Variants in POLR3B observed in about 807,000 individuals in gnomAD.
The protein encoded by POLR3B is DNA-directed RNA polymerase III subunit RPC2.
Under a neutral mutation model 147.4 loss-of-function variants are expected in POLR3B, and 96 were observed. That is an observed-to-expected ratio of 0.65 (90% CI 0.55 to 0.77). The LOEUF (loss-of-function observed/expected upper bound fraction) is 0.77. Among genes scored for constraint, POLR3B ranks in the 30% least tolerant of loss-of-function variants. The probability of loss-of-function intolerance (pLI) is 0.00; values close to 1 mark genes in which losing one functional copy is unlikely to be tolerated. For synonymous variants in POLR3B, 461 were observed against 485.9 expected, an observed-to-expected ratio of 0.95 and a Z score of 0.67; for missense variants, 1,036 against 1,413.5, an observed-to-expected ratio of 0.73 and a Z score of 4.28.
chr12:106,476,742 A>G (rs982741538), intron 23 of POLR3B, among the ~76,000 whole-genome samples: 5 of 151,100 alleles, frequency 3.3e-5, no homozygotes, highest in African/African-American at 1.2e-4. Context: ...ACTTCTCTGT[A>G]TTGGTTATTG....
chr12:106,360,207 G>A (rs905567354), intron 1 of POLR3B, among the ~76,000 whole-genome samples: 3 of 152,194 alleles, frequency 2.0e-5, no homozygotes, highest in East Asian at 1.9e-4. Flanking sequence ...AGAGCTGTCC[G>A]TTTAAACACA....
chr12:106,386,399 G>A (rs886648500), intron 9 of POLR3B, among the ~76,000 whole-genome samples: 7 of 151,454 alleles, frequency 4.6e-5, no homozygotes, highest in Non-Finnish European at 8.8e-5. Context: ...CTCCAGCAGA[G>A]GGCAGTATGT....
chr12:106,365,139 AAAG>A (rs2036516972), intron 2 of POLR3B, among the ~76,000 whole-genome samples: 1 of 152,096 alleles, frequency 6.6e-6, no homozygotes, highest in South Asian at 2.1e-4. Context: ...CGTCTCAAAA[AAAG>A]AAAAATGAGT....
chr12:106,496,965 A>G, intron 25 of POLR3B, 47 bp downstream of exon 25: 1 of 1,560,680 alleles, frequency 6.4e-7, no homozygotes, highest in Non-Finnish European at 8.8e-7. Context: ...TGGTTTTACT[A>G]GGATAGGGGA....
chr12:106,391,108 T>TTTC (rs2036907243), intron 9 of POLR3B, among the ~76,000 whole-genome samples: 1 of 152,222 alleles, frequency 6.6e-6, no homozygotes, highest in Non-Finnish European at 1.5e-5. Context: ...AAGGCTGAAC[T>TTTC]GAAGCAGCCT....
intron 23 of POLR3B, among the ~76,000 whole-genome samples, chr12:106,464,728 G>A (rs2037983858): frequency 6.6e-6 from 1 of 152,092 alleles, no homozygotes; most frequent in South Asian, 2.1e-4. Flanking sequence ...AATTACTAGT[G>A]TGATATCTTC....
chr12:106,423,789 A>G (rs1429376275), intron 12 of POLR3B, among the ~76,000 whole-genome samples: 3 of 151,806 alleles, frequency 2.0e-5, no homozygotes, highest in Admixed American at 2.0e-4. Flanking sequence ...TGCTTTTCCA[A>G]CCTTCTGGGC....
intron 9 of POLR3B, among the ~76,000 whole-genome samples, chr12:106,388,567 T>C (rs1255652624): frequency 2.0e-5 from 3 of 152,132 alleles, no homozygotes; most frequent in African/African-American, 4.8e-5. Flanking sequence ...CTGCCCACCT[T>C]AGCCTCCCAA....
chr12:106,421,773 C>T (rs1371205050), intron 12 of POLR3B, among the ~76,000 whole-genome samples: 3 of 152,070 alleles, frequency 2.0e-5, no homozygotes, highest in African/African-American at 7.2e-5. Context: ...GATCTCTACT[C>T]ACTGCAACCT....
chr12:106,387,335 G>A (rs1340783445), intron 9 of POLR3B, among the ~76,000 whole-genome samples: 3 of 152,080 alleles, frequency 2.0e-5, no homozygotes, highest in African/African-American at 4.8e-5. Flanking sequence ...TTCCTCTAGT[G>A]GGGCATTTAG....
intron 16 of POLR3B, among the ~76,000 whole-genome samples, chr12:106,435,885 A>G (rs1186998618): frequency 6.6e-6 from 1 of 152,192 alleles, no homozygotes; most frequent in African/African-American, 2.4e-5. Context: ...GGCATAACAG[A>G]TCTAGCAGGA....
intron 27 of POLR3B, among the ~76,000 whole-genome samples, chr12:106,508,396 G>A (rs1366770815): frequency 6.6e-6 from 1 of 152,160 alleles, no homozygotes; most frequent in African/African-American, 2.4e-5. Flanking sequence ...TTCCTGGTCA[G>A]CACCCGATCT....
At chr12:106,507,888 A>G (rs1473665943) in intron 27 of POLR3B, 2 of 447,776 alleles carry the variant, frequency 4.5e-6, no homozygotes, top group African/African-American at 4.0e-5. Flanking sequence ...AGTTACCACA[A>G]ATATAAAGTG....
intron 26 of POLR3B, among the ~76,000 whole-genome samples, chr12:106,502,344 T>C (rs1432408083): frequency 1.3e-5 from 2 of 152,112 alleles, no homozygotes; most frequent in African/African-American, 4.8e-5. Context: ...ATCTCCACCT[T>C]TTCATTCCGT....
intron 12 of POLR3B, among the ~76,000 whole-genome samples, chr12:106,414,664 A>G (rs1340617506): frequency 1.1e-4 from 16 of 152,136 alleles, no homozygotes; most frequent in Non-Finnish European, 1.6e-4. Flanking sequence ...TGTTTTATCC[A>G]GAATCTAGTC....
At chr12:106,445,682 A>T (rs964008502) in intron 19 of POLR3B, among the ~76,000 whole-genome samples, 1 of 152,196 alleles carries the variant, frequency 6.6e-6, no homozygotes, top group African/African-American at 2.4e-5. Flanking sequence ...TTTTATTTTC[A>T]TATATGCCCA....
chr12:106,448,111 G>A (rs907919666), intron 19 of POLR3B, among the ~76,000 whole-genome samples: 7 of 152,022 alleles, frequency 4.6e-5, no homozygotes, highest in African/African-American at 1.2e-4. Flanking sequence ...TGCAAAAAAT[G>A]TTCTGGCCAA....
intron 6 of POLR3B, among the ~76,000 whole-genome samples, chr12:106,374,738 G>T (rs1038839251): frequency 3.3e-5 from 5 of 152,018 alleles, no homozygotes; most frequent in Non-Finnish European, 7.4e-5. Context: ...GGATGGTCTC[G>T]ATCCCTTGAC....
intron 12 of POLR3B, among the ~76,000 whole-genome samples, chr12:106,424,840 G>A (rs927129973): frequency 8.5e-5 from 13 of 152,104 alleles, no homozygotes; most frequent in East Asian, 3.8e-4. Flanking sequence ...TCAATTTGGG[G>A]AGAACTGATA....
Sources: gnomAD v4.1 joint callset for allele counts (sites outside exome capture counted in the v4.1 genomes callset) on GRCh38, gnomAD v4.1.1 for gene constraint, MANE v1.5 for transcripts, NCBI Gene and HGNC (gene_info 2026-07-23, HGNC 2026-07-21) for gene names.